Variants in LUZP2 observed in about 807,000 individuals in gnomAD.
The protein encoded by LUZP2 is leucine zipper protein 2.
LUZP2 carries 52 observed loss-of-function variants against 51.6 expected under a neutral mutation model. The ratio of observed to expected loss-of-function variants is 1.01; its 90% CI spans 0.81 to 1.27. The LOEUF (loss-of-function observed/expected upper bound fraction) is 1.27, where lower values mean the gene tolerates loss of function less well. Among genes scored for constraint, LUZP2 ranks in the 50% most tolerant of loss-of-function variants. The pLI is 0.00. For synonymous variants in LUZP2, 154 were observed against 137.3 expected (o/e 1.12, Z -0.85); for missense variants, 436 against 395.4 (o/e 1.10, Z -0.87).
At chr11:24,548,041 C>G (rs541494888) in intron 1 of LUZP2, among the ~76,000 whole-genome samples, 7 of 152,018 alleles carry the variant, frequency 4.6e-5, no homozygotes, top group South Asian at 4.1e-4. Flanking sequence ...ATTAAAAGGT[C>G]AAAAAATAAT....
intron 1 of LUZP2, among the ~76,000 whole-genome samples, chr11:24,626,045 A>C (rs1233202826): frequency 1.3e-5 from 2 of 152,272 alleles, no homozygotes; most frequent in Non-Finnish European, 2.9e-5. Flanking sequence ...AATTTACTTA[A>C]GGTTTTCTGA....
chr11:24,952,512 T>A (rs1048906335), intron 7 of LUZP2, among the ~76,000 whole-genome samples: 4 of 151,616 alleles, frequency 2.6e-5, no homozygotes, highest in Non-Finnish European at 5.9e-5. Flanking sequence ...AGGTGGGAAG[T>A]GAGGCAGTTT....
chr11:24,592,469 T>G (rs909930356), intron 1 of LUZP2, among the ~76,000 whole-genome samples: 1 of 152,192 alleles, frequency 6.6e-6, no homozygotes, highest in Non-Finnish European at 1.5e-5. Flanking sequence ...TTAAGGGAAG[T>G]TGCCTGTTAC....
intron 5 of LUZP2, among the ~76,000 whole-genome samples, chr11:24,900,857 C>T (rs532785201): frequency 6.6e-6 from 1 of 152,174 alleles, no homozygotes; most frequent in East Asian, 1.9e-4. Context: ...GCCTGATTTG[C>T]AAATCATTCT....
chr11:24,936,113 T>C (rs1417773640), intron 7 of LUZP2, among the ~76,000 whole-genome samples: 1 of 152,156 alleles, frequency 6.6e-6, no homozygotes, highest in African/African-American at 2.4e-5. Context: ...TTTTACGATA[T>C]TGAATAGAAA....
chr11:24,867,695 A>G (rs907269381), intron 5 of LUZP2, among the ~76,000 whole-genome samples: 2 of 152,162 alleles, frequency 1.3e-5, no homozygotes, highest in African/African-American at 4.8e-5. Context: ...ACAAGTTCAC[A>G]GTAGAAAGTT....
At position 24,772,781 on chromosome 11, in the gene LUZP2, C is replaced by T. The variant is rs149252977; in HGVS notation, c.396+9473C>T. 3.3e-4 allele frequency among the ~76,000 whole-genome samples: 51 copies of T among 152,282 alleles called. No individual in the cohort carries two copies. The Middle Eastern group carries it at 0.024, about 71-fold the overall frequency. On this transcript the variant is annotated intron_variant, in intron 5 of 11. Coordinates refer to ENST00000336930, the MANE Select transcript of LUZP2 (RefSeq NM_001009909.4). ...GTGTCTCCTGGCAATCCATGTCACT[C>T]TTTGGCTTGTAGTGGTATCACTCCA...
chr11:24,741,007 T>C (rs1859118061), intron 4 of LUZP2, among the ~76,000 whole-genome samples: 1 of 152,106 alleles, frequency 6.6e-6, no homozygotes, highest in African/African-American at 2.4e-5. Flanking sequence ...TGTTATATGA[T>C]AATATTGTGG....
chr11:25,002,543 C>G (rs150968658), intron 9 of LUZP2, among the ~76,000 whole-genome samples: 1 of 152,072 alleles, frequency 6.6e-6, no homozygotes, highest in African/African-American at 2.4e-5. Flanking sequence ...ATTTACATCA[C>G]GAGTAGTCCA....
In LUZP2 at chr11:24,935,675, AAAAG is replaced by A. The variant is rs1264421858; in HGVS notation, c.522+21143_522+21146del. On this transcript the variant is annotated intron_variant, in intron 7 of 11. Coordinates refer to ENST00000336930, the MANE Select transcript of LUZP2 (RefSeq NM_001009909.4). Reference sequence around the variant, plus strand: ...CAATTTCATTATGAAAGTAAAATAAAAAAGAAAGATTAGTGAAAAAATAGTAATT... The same window carrying A: ...CAATTTCATTATGAAAGTAAAATAAAAAAGATTAGTGAAAAAATAGTAATT... Among the ~76,000 whole-genome samples the A allele has an allele frequency of 1.1e-4, 17 of 152,288 alleles. No homozygotes were observed. The South Asian group carries it at 2.3e-3, about 20-fold the overall frequency.
At chr11:24,825,533 G>A (rs1850499107) in intron 5 of LUZP2, among the ~76,000 whole-genome samples, 1 of 152,032 alleles carries the variant, frequency 6.6e-6, no homozygotes, top group Admixed American at 6.6e-5. Flanking sequence ...ACTGTTCTTG[G>A]TCTTGAAATA....
intron 9 of LUZP2, among the ~76,000 whole-genome samples, chr11:25,016,811 G>C (rs562255887): frequency 5.3e-5 from 8 of 151,962 alleles, no homozygotes; most frequent in African/African-American, 1.9e-4. Flanking sequence ...TTACTGGATC[G>C]AATGGTAGAT....
In LUZP2 at chr11:24,811,967, AAAAC is replaced by A. The variant is rs1047465695; in HGVS notation, c.396+48671_396+48674del. On this transcript the variant is annotated intron_variant, in intron 5 of 11. Transcript: ENST00000336930. ...AGTATGGGAACCTGAGAAACTATGT[AAAAC>A]AAACAAACAAAAAAGGTGGTTGAAG... Among the ~76,000 whole-genome samples, 14 of 152,254 alleles carry A rather than the reference AAAAC, an allele frequency of 9.2e-5. No homozygotes were observed. The South Asian group carries it at 1.0e-3, about 11-fold the overall frequency.
intron 1 of LUZP2, among the ~76,000 whole-genome samples, chr11:24,714,985 C>T (rs991415845): frequency 6.6e-6 from 1 of 152,090 alleles, no homozygotes; most frequent in African/African-American, 2.4e-5. Context: ...AGCCCATCAG[C>T]CTTTTGAGAA....
At position 24,698,523 on chromosome 11, in the gene LUZP2, G is replaced by T. The variant is rs552196312; in HGVS notation, c.63-30646G>T. 2.3e-4 allele frequency among the ~76,000 whole-genome samples: 35 copies of T among 152,152 alleles called. No individual in the cohort carries two copies. The South Asian group carries it at 6.6e-3, about 29-fold the overall frequency. ...AGGCTTCAGGATTTTGATCTCTCTT[G>T]TTTAAAATATTCATTGAAAGCTTGG... is the stretch of plus-strand genomic sequence containing the variant. On this transcript the variant is annotated intron_variant, in intron 1 of 11. Transcript: ENST00000336930.
chr11:25,039,765 AT>A (rs984308773), intron 9 of LUZP2, among the ~76,000 whole-genome samples: 35 of 152,082 alleles, frequency 2.3e-4, no homozygotes. Flanking sequence ...GGAACAGATT[AT>A]TTTTTTATTT....
intron 1 of LUZP2, among the ~76,000 whole-genome samples, chr11:24,710,965 G>C (rs1170380949): frequency 1.3e-5 from 2 of 149,748 alleles, no homozygotes; most frequent in Non-Finnish European, 3.0e-5. Context: ...GGGAGGGAGG[G>C]GAGGGGAGGA....
intron 5 of LUZP2, among the ~76,000 whole-genome samples, chr11:24,849,881 G>T (rs1396713045): frequency 1.3e-5 from 2 of 152,176 alleles, no homozygotes; most frequent in Non-Finnish European, 2.9e-5. Flanking sequence ...GACCAGTGAT[G>T]CTGAGCTTTT....
At chr11:24,582,564 A>G (rs1021473715) in intron 1 of LUZP2, among the ~76,000 whole-genome samples, 1 of 152,110 alleles carries the variant, frequency 6.6e-6, no homozygotes. Context: ...TTAAGAATAT[A>G]TCTCAAGTTT....
Sources: gnomAD v4.1 joint callset for allele counts (sites outside exome capture counted in the v4.1 genomes callset) on GRCh38, gnomAD v4.1.1 for gene constraint, MANE v1.5 for transcripts, NCBI Gene and HGNC (gene_info 2026-07-23, HGNC 2026-07-21) for gene names.